ADGRL3: variants seen among roughly 807,000 people sequenced by gnomAD.
ADGRL3 encodes adhesion G protein-coupled receptor L3.
ADGRL3 carries 62 observed loss-of-function variants against 153.5 expected under a neutral mutation model. That is an observed-to-expected ratio of 0.40 (90% CI 0.33 to 0.50). ADGRL3 has a LOEUF of 0.50. Among genes scored for constraint, ADGRL3 ranks in the 20% least tolerant of loss-of-function variants. ADGRL3 has a pLI of 0.47. For missense variants in ADGRL3, 1,641 were observed against 1,859.4 expected (o/e 0.88, Z 2.16); for synonymous variants, 710 against 672.5 (o/e 1.06, Z -0.86).
chr4:61,384,236 C>T (rs1011873710), intron 2 of ADGRL3, among the ~76,000 whole-genome samples: 1 of 151,692 alleles, frequency 6.6e-6, no homozygotes, highest in Non-Finnish European at 1.5e-5. Context: ...TTTCTTCCCC[C>T]TATTTATTTC....
intron 8 of ADGRL3, among the ~76,000 whole-genome samples, chr4:61,806,041 C>G (rs2097548947): frequency 1.3e-5 from 2 of 152,014 alleles, no homozygotes; most frequent in Admixed American, 1.3e-4. Flanking sequence ...TAACATTTGC[C>G]TTACTTTCTT....
chr4:61,231,524 C>T (rs2149190224), intron 1 of ADGRL3, among the ~76,000 whole-genome samples: 1 of 152,210 alleles, frequency 6.6e-6, no homozygotes, highest in Admixed American at 6.5e-5. Context: ...TTTATTTCTA[C>T]ATCTCCATCC....
chr4:61,462,643 A>G (rs2152607852), intron 2 of ADGRL3, among the ~76,000 whole-genome samples: 1 of 152,312 alleles, frequency 6.6e-6, no homozygotes, highest in African/African-American at 2.4e-5. Context: ...CAGAGGTCGT[A>G]ATAGAGCTGA....
intron 7 of ADGRL3, among the ~76,000 whole-genome samples, 184 bp downstream of exon 7, chr4:61,730,820 G>C (rs2096428444): frequency 6.6e-6 from 1 of 151,786 alleles, no homozygotes; most frequent in Non-Finnish European, 1.5e-5. Context: ...TTTTATCTAA[G>C]AAGAGTTTAG....
intron 1 of ADGRL3, among the ~76,000 whole-genome samples, chr4:61,380,680 C>T (rs191915488): frequency 1.3e-3 from 199 of 151,964 alleles, no homozygotes; most frequent in Admixed American, 2.0e-3. Flanking sequence ...ATGTCGCTTT[C>T]GAACGATATG....
At chr4:61,507,137 T>C (rs555173847) in intron 3 of ADGRL3, among the ~76,000 whole-genome samples, 1 of 152,290 alleles carries the variant, frequency 6.6e-6, no homozygotes, top group South Asian at 2.1e-4. Context: ...TTTTCTTCTT[T>C]TTTTTCTCCT....
intron 9 of ADGRL3, among the ~76,000 whole-genome samples, chr4:61,883,150 G>C (rs1046165164): frequency 6.6e-6 from 1 of 151,956 alleles, no homozygotes; most frequent in Admixed American, 6.6e-5. Flanking sequence ...TTTGCAAGTC[G>C]CCTCCCCCAA....
chr4:61,695,863 T>C (rs1037818983), intron 6 of ADGRL3, among the ~76,000 whole-genome samples: 1 of 152,186 alleles, frequency 6.6e-6, no homozygotes, highest in Non-Finnish European at 1.5e-5. Flanking sequence ...AATTTGCTGC[T>C]TCATTTTGTA....
At chr4:61,898,458 G>C (rs1004965329) in intron 11 of ADGRL3, among the ~76,000 whole-genome samples, 4 of 152,014 alleles carry the variant, frequency 2.6e-5, no homozygotes, top group African/African-American at 4.8e-5. Flanking sequence ...AGAGAGAGGG[G>C]CTCTAGAATG....
chr4:61,906,033 C>T (rs1345833186), intron 11 of ADGRL3, among the ~76,000 whole-genome samples: 1 of 151,326 alleles, frequency 6.6e-6, no homozygotes, highest in Non-Finnish European at 1.5e-5. Context: ...TCTTTTGAGT[C>T]TCTTTTTAGG....
At chr4:61,517,949 G>T (rs531614796) in intron 4 of ADGRL3, among the ~76,000 whole-genome samples, 1 of 152,178 alleles carries the variant, frequency 6.6e-6, no homozygotes, top group African/African-American at 2.4e-5. Flanking sequence ...TCTTGGTTAG[G>T]AATTGCACAT....
intron 4 of ADGRL3, among the ~76,000 whole-genome samples, chr4:61,545,319 G>A (rs1264238417): frequency 6.6e-6 from 1 of 152,152 alleles, no homozygotes; most frequent in Admixed American, 6.5e-5. Context: ...GGTTAGTACT[G>A]ATGTACGTGG....
intron 4 of ADGRL3, among the ~76,000 whole-genome samples, chr4:61,546,204 A>G (rs1336075530): frequency 6.6e-6 from 1 of 152,218 alleles, no homozygotes; most frequent in Non-Finnish European, 1.5e-5. Flanking sequence ...CTGACGGCTT[A>G]ACTTTACTCT....
intron 25 of ADGRL3, among the ~76,000 whole-genome samples, chr4:62,045,114 G>A (rs188319004): frequency 6.6e-6 from 1 of 152,006 alleles, no homozygotes; most frequent in African/African-American, 2.4e-5. Flanking sequence ...TCCCTGGGTG[G>A]CATTTAGATT....
At position 61,372,772 on chromosome 4, in the gene ADGRL3, C is replaced by A. The variant is rs1024882309; in HGVS notation, c.-239-10352C>A. 4.9e-3 allele frequency among the ~76,000 whole-genome samples: 747 copies of A among 152,042 alleles called. 10 individuals carry two copies. Among genetic ancestry groups the A allele is most frequent in the African/African-American group, 0.017 (710 of 41,394 alleles). On this transcript the variant is annotated intron_variant, in intron 1 of 26. Coordinates refer to ENST00000683033, the MANE Select transcript of ADGRL3 (RefSeq NM_001387552.1). ...TGGGCTCCACCCAGTTCGAGCTTCCCGGCTGCTTTGTTTACCTAAGCAAGC... is the reference window on the plus strand; with the variant it reads ...TGGGCTCCACCCAGTTCGAGCTTCCAGGCTGCTTTGTTTACCTAAGCAAGC...
chr4:61,920,257 G>A (rs920306127), intron 13 of ADGRL3, among the ~76,000 whole-genome samples: 1 of 152,068 alleles, frequency 6.6e-6, no homozygotes, highest in Non-Finnish European at 1.5e-5. Flanking sequence ...TGATTACATA[G>A]CTATTAAGGT....
intron 25 of ADGRL3, among the ~76,000 whole-genome samples, chr4:62,066,368 T>C (rs1017748747): frequency 3.9e-5 from 6 of 152,138 alleles, no homozygotes; most frequent in Admixed American, 3.3e-4. Flanking sequence ...TTTTTTAAAG[T>C]ACCTATTCTT....
intron 5 of ADGRL3, among the ~76,000 whole-genome samples, chr4:61,624,610 A>G (rs2092722357): frequency 6.6e-6 from 1 of 152,138 alleles, no homozygotes; most frequent in African/African-American, 2.4e-5. Flanking sequence ...TGCATCTAGA[A>G]TGATACCAGT....
chr4:61,661,954 T>C (rs548884755), intron 5 of ADGRL3, among the ~76,000 whole-genome samples: 1 of 152,196 alleles, frequency 6.6e-6, no homozygotes, highest in Admixed American at 6.5e-5. Flanking sequence ...AGAAAATAAA[T>C]ACCTTGTATT....
Sources: allele counts gnomAD v4.1 joint callset (sites outside exome capture counted in the v4.1 genomes callset), GRCh38; gene constraint gnomAD v4.1.1; transcripts MANE v1.5; gene names NCBI Gene and HGNC (gene_info 2026-07-23, HGNC 2026-07-21).